RBFOX1: variants seen among roughly 807,000 people sequenced by gnomAD.
RBFOX1 encodes the protein RNA binding protein fox-1 homolog 1.
In RBFOX1, 8 loss-of-function variants were observed where a neutral mutation model predicts 57.7. The observed-to-expected ratio is 0.14, with a 90% CI of 0.08 to 0.25. RBFOX1 has a LOEUF of 0.25. Among genes scored for constraint, RBFOX1 ranks in the 10% least tolerant of loss-of-function variants. The pLI is 1.00. For synonymous variants in RBFOX1, 326 were observed against 222.4 expected (o/e 1.47, Z -4.15); for missense variants, 611 against 548.5 (o/e 1.11, Z -1.14).
intron 3 of RBFOX1, among the ~76,000 whole-genome samples, chr16:6,927,041 C>A (rs769715035): frequency 9.2e-4 from 140 of 152,194 alleles, no homozygotes; most frequent in African/African-American, 3.3e-3. Context: ...CCCTTCGTTA[C>A]CTAAATCCAC....
At chr16:7,103,055 A>G (rs141658624) in intron 4 of RBFOX1, among the ~76,000 whole-genome samples, 47 of 143,894 alleles carry the variant, frequency 3.3e-4, no homozygotes, top group African/African-American at 1.1e-3. Flanking sequence ...TTAATTCCCT[A>G]ATTCTATCTT....
intron 1 of RBFOX1, among the ~76,000 whole-genome samples, chr16:6,307,769 T>C (rs1251938434): frequency 6.8e-6 from 1 of 147,286 alleles, no homozygotes; most frequent in Middle Eastern, 0.01. Flanking sequence ...TTGTTTATAT[T>C]ATTTATATGT....
chr16:6,057,472 G>A (rs2095628571), intron 1 of RBFOX1, among the ~76,000 whole-genome samples: 1 of 151,900 alleles, frequency 6.6e-6, no homozygotes, highest in African/African-American at 2.4e-5. Context: ...TATTTATTGA[G>A]GGCTTCCCAA....
At chr16:7,252,768 T>C (rs574846402) in intron 4 of RBFOX1, among the ~76,000 whole-genome samples, 33 of 152,210 alleles carry the variant, frequency 2.2e-4, no homozygotes, top group Admixed American at 5.9e-4. Context: ...TTTCCACTTT[T>C]GATGGCATTA....
At chr16:7,671,421 G>T (rs576348668) in intron 13 of RBFOX1, 3 of 737,556 alleles carry the variant, frequency 4.1e-6, no homozygotes, top group Non-Finnish European at 6.6e-6. Flanking sequence ...AGCTTGGTGG[G>T]CCAGTCCCAA....
chr16:5,314,839 A>G (rs2064190206), intron 1 of RBFOX1, among the ~76,000 whole-genome samples: 1 of 151,904 alleles, frequency 6.6e-6, no homozygotes, highest in Non-Finnish European at 1.5e-5. Flanking sequence ...GAAAAAAAAA[A>G]AAAAAGAACT....
intron 3 of RBFOX1, among the ~76,000 whole-genome samples, chr16:5,749,972 C>T (rs977262284): frequency 4.6e-5 from 7 of 152,136 alleles, no homozygotes; most frequent in East Asian, 1.9e-4. Context: ...CTTTTCTGCT[C>T]TGTTTTTTCC....
At chr16:7,076,648 A>G (rs1313683381) in intron 4 of RBFOX1, among the ~76,000 whole-genome samples, 2 of 152,240 alleles carry the variant, frequency 1.3e-5, no homozygotes, top group East Asian at 1.9e-4. Flanking sequence ...TCCCAATAAT[A>G]TACCATCATA....
chr16:7,534,040 C>T lies in RBFOX1; in HGVS notation c.270+15651C>T, dbSNP rs188654745. Among the ~76,000 whole-genome samples the T allele has an allele frequency of 1.8e-3, 276 of 151,488 alleles. 3 individuals are homozygous for T. The highest frequency in any genetic ancestry group is 2.1e-3 in the Non-Finnish European group (140 of 67,938). On this transcript the variant is annotated intron_variant, in intron 5 of 15. Coordinates refer to ENST00000550418, the MANE Select transcript of RBFOX1 (RefSeq NM_018723.4). ...GCACCAGGAAGTGATAGACATGGAA[C>T]TCAGATCCAGCCCTGATTCATGTCA...
chr16:7,361,626 A>C (rs2097323242), intron 4 of RBFOX1, among the ~76,000 whole-genome samples: 1 of 152,188 alleles, frequency 6.6e-6, no homozygotes, highest in Non-Finnish European at 1.5e-5. Flanking sequence ...AACCAAACAC[A>C]CACCAAACAG....
chr16:7,116,882 T>C (rs1257348852), intron 4 of RBFOX1, among the ~76,000 whole-genome samples: 1 of 152,024 alleles, frequency 6.6e-6, no homozygotes, highest in African/African-American at 2.4e-5. Flanking sequence ...CAACACAAGA[T>C]TTAAATAATG....
intron 1 of RBFOX1, among the ~76,000 whole-genome samples, chr16:6,186,860 G>A (rs796185157): frequency 9.9e-5 from 15 of 152,242 alleles, no homozygotes; most frequent in African/African-American, 3.4e-4. Context: ...GAGAATGTAG[G>A]GTCACACTGG....
chr16:6,373,202 G>T (rs1195763236), intron 2 of RBFOX1, among the ~76,000 whole-genome samples: 1 of 151,856 alleles, frequency 6.6e-6, no homozygotes, highest in East Asian at 1.9e-4. Context: ...CAGCGGAAGT[G>T]TATAGTTGGA....
intron 2 of RBFOX1, among the ~76,000 whole-genome samples, chr16:6,578,010 C>T (rs949722368): frequency 6.6e-6 from 1 of 152,108 alleles, no homozygotes; most frequent in Non-Finnish European, 1.5e-5. Context: ...GGGTGTCACC[C>T]AACAGTGCTT....
At chr16:7,583,665 T>C (rs2093942041) in intron 6 of RBFOX1, among the ~76,000 whole-genome samples, 2 of 152,114 alleles carry the variant, frequency 1.3e-5, no homozygotes, top group Admixed American at 1.3e-4. Context: ...TTCCACAGCC[T>C]TACTTTAGGG....
chr16:6,074,223 C>T (rs150473410), intron 1 of RBFOX1, among the ~76,000 whole-genome samples: 37 of 152,322 alleles, frequency 2.4e-4, no homozygotes, highest in Middle Eastern at 3.4e-3. Context: ...GCTGGGATTA[C>T]AGGCATGAGC....
chr16:7,620,912 C>G (rs1185377647), intron 10 of RBFOX1, among the ~76,000 whole-genome samples: 1 of 152,054 alleles, frequency 6.6e-6, no homozygotes, highest in Non-Finnish European at 1.5e-5. Flanking sequence ...CACCTGAAAC[C>G]TAGGGCCACC....
At chr16:6,937,398 A>T (rs768587291) in intron 3 of RBFOX1, among the ~76,000 whole-genome samples, 2 of 152,012 alleles carry the variant, frequency 1.3e-5, no homozygotes, top group South Asian at 4.2e-4. Context: ...TTATTAATGT[A>T]GACTTTTTTT....
chr16:6,833,251 C>T (rs771048017), intron 3 of RBFOX1, among the ~76,000 whole-genome samples: 2 of 151,868 alleles, frequency 1.3e-5, no homozygotes, highest in Non-Finnish European at 2.9e-5. Flanking sequence ...TTACAACCTC[C>T]GCCTCCCAGA....
Sources: allele counts gnomAD v4.1 joint callset (sites outside exome capture counted in the v4.1 genomes callset), GRCh38; gene constraint gnomAD v4.1.1; transcripts MANE v1.5; gene names NCBI Gene and HGNC (gene_info 2026-07-23, HGNC 2026-07-21).